ARHGAP19: variants seen among roughly 807,000 people sequenced by gnomAD.
ARHGAP19 encodes the protein rho GTPase-activating protein 19.
In ARHGAP19, 48 loss-of-function variants were observed where a neutral mutation model predicts 60.9. That is an observed-to-expected ratio of 0.79 (90% CI 0.62 to 1.00). The LOEUF (loss-of-function observed/expected upper bound fraction) is 1.00, where lower values mean the gene tolerates loss of function less well. Ranked by LOEUF, ARHGAP19 falls within the 50% of genes least tolerant of loss-of-function variation. The pLI is 0.00. For missense variants in ARHGAP19, 562 were observed against 597.2 expected (o/e 0.94, Z 0.61); for synonymous variants, 209 against 215.5 (o/e 0.97, Z 0.27).
intron 1 of ARHGAP19, among the ~76,000 whole-genome samples, chr10:97,268,608 A>T (rs1364834949): frequency 6.6e-6 from 1 of 152,190 alleles, no homozygotes; most frequent in East Asian, 1.9e-4. Context: ...GAACAAAGGT[A>T]TGTCTTACGT....
rs1482112404 is a variant in ARHGAP19 at position 97,222,335 on chromosome 10, C to A, written c.*3787G>T. ...AACCTTGTTTCTCTTGTTGAGCAAG[C>A]TCAGGGATAGGACAAAGGCAACCCT... On this transcript the variant is annotated 3_prime_UTR_variant, in exon 12 of 12. Coordinates refer to ENST00000358531, the MANE Select transcript of ARHGAP19 (RefSeq NM_032900.6). 1 of 152,248 alleles carries A rather than the reference C, an allele frequency of 6.6e-6. No homozygotes were observed. The highest frequency in any genetic ancestry group is 2.4e-5 in the African/African-American group (1 of 41,462). 9.4% of individuals were successfully genotyped at this position (152,248 alleles called of 1,614,324 possible).
At chr10:97,261,418 G>A (rs529267820) in intron 4 of ARHGAP19, among the ~76,000 whole-genome samples, 4 of 152,296 alleles carry the variant, frequency 2.6e-5, no homozygotes, top group South Asian at 4.1e-4. Context: ...CAATCACAGG[G>A]TAGTGGAAGG....
chr10:97,251,250 G>GAA, intron 6 of ARHGAP19, among the ~76,000 whole-genome samples: 2 of 31,496 alleles, frequency 6.4e-5, no homozygotes, highest in Admixed American at 5.1e-4. Context: ...AAGGGAAGGG[G>GAA]GAGGGAAGGG....
intron 8 of ARHGAP19, among the ~76,000 whole-genome samples, chr10:97,242,324 C>CCTTTTT (rs1842498449): frequency 1.8e-5 from 1 of 55,796 alleles, no homozygotes; most frequent in Non-Finnish European, 3.5e-5. Context: ...TATCAGTGTT[C>CCTTTTT]TTTTTTTTTT....
At position 97,256,005 on chromosome 10, in the gene ARHGAP19, C is replaced by T. The variant is rs1003292851; in HGVS notation, c.927+313G>A. ...ACCCCCAAAATTCTACTGGCAGACC[C>T]CCAAAACTCTACTGGCAGTAAGCAG... On this transcript the variant is annotated intron_variant, in intron 6 of 11. Transcript: ENST00000358531. Among the ~76,000 whole-genome samples, 4 of 152,110 alleles carry T rather than the reference C, an allele frequency of 2.6e-5. No individual in the cohort carries two copies. In the South Asian group the frequency reaches 8.3e-4, roughly 32 times the overall value.
rs929895914 is a variant in ARHGAP19 at position 97,222,953 on chromosome 10, C to T, written c.*3169G>A. The T allele has an allele frequency of 6.6e-6, 1 of 152,196 alleles. No individual in the cohort carries two copies. The highest frequency in any genetic ancestry group is 1.5e-5 in the Non-Finnish European group (1 of 68,050). 9.4% of individuals were successfully genotyped at this position (152,196 alleles called of 1,614,324 possible). A position where few individuals can be genotyped will look rare whatever the true frequency, so the allele number is the denominator to read the frequency against. ...GGCACGTTCCCAGTGACCACAGGTT[C>T]TCCTAGACGGCAGTATTTTCAACTG... On this transcript the variant is annotated 3_prime_UTR_variant, in exon 12 of 12. Transcript: ENST00000358531.
At chr10:97,247,966 C>CTTTTTTT (rs377506718) in intron 6 of ARHGAP19, among the ~76,000 whole-genome samples, 1 of 135,076 alleles carries the variant, frequency 7.4e-6, no homozygotes, top group Non-Finnish European at 1.6e-5. Context: ...GTGGTTTTGA[C>CTTTTTTT]TTTTTTTTTT....
At position 97,222,342 on chromosome 10, in the gene ARHGAP19, A is replaced by T. The variant is rs1201953460; in HGVS notation, c.*3780T>A. On this transcript the variant is annotated 3_prime_UTR_variant, in exon 12 of 12. Transcript: ENST00000358531. Reference sequence around the variant, plus strand: ...TTTCTCTTGTTGAGCAAGCTCAGGGATAGGACAAAGGCAACCCTTGCTCTG... The same window carrying T: ...TTTCTCTTGTTGAGCAAGCTCAGGGTTAGGACAAAGGCAACCCTTGCTCTG... 4 of 152,268 alleles carry T rather than the reference A, an allele frequency of 2.6e-5. No individual in the cohort carries two copies. Among genetic ancestry groups the T allele is most frequent in the Non-Finnish European group, 5.9e-5 (4 of 68,052 alleles). 9.4% of individuals were successfully genotyped at this position (152,268 alleles called of 1,614,324 possible).
In ARHGAP19 at chr10:97,223,739, G is replaced by A. The variant is rs1850847657; in HGVS notation, c.*2383C>T. 1 of 152,200 alleles carries A rather than the reference G, an allele frequency of 6.6e-6. No individual in the cohort carries two copies. Among genetic ancestry groups the A allele is most frequent in the Non-Finnish European group, 1.5e-5 (1 of 68,024 alleles). 9.4% of individuals were successfully genotyped at this position (152,200 alleles called of 1,614,324 possible). ...CCACCAAATCAGAAGGGAGACAGCA[G>A]CCTTCTGTGGCAAATGATAAAAGGG... On this transcript the variant is annotated 3_prime_UTR_variant, in exon 12 of 12. Coordinates refer to ENST00000358531, the MANE Select transcript of ARHGAP19 (RefSeq NM_032900.6).
At chr10:97,256,641 C>T in intron 5 of ARHGAP19, 2 of 354,142 alleles carry the variant, frequency 5.6e-6, no homozygotes, top group East Asian at 9.4e-5. Context: ...CCTAATTCTG[C>T]TTGAAAATTA....
intron 9 of ARHGAP19, among the ~76,000 whole-genome samples, chr10:97,234,787 G>T (rs563262079): frequency 6.6e-6 from 1 of 152,238 alleles, no homozygotes; most frequent in Admixed American, 6.5e-5. Context: ...AAAAATTTGG[G>T]GTATCAAAAC....
At chr10:97,284,583 G>C (rs1843129075) in intron 1 of ARHGAP19, among the ~76,000 whole-genome samples, 1 of 152,072 alleles carries the variant, frequency 6.6e-6, no homozygotes, top group South Asian at 2.1e-4. Context: ...ACGGTTCAGT[G>C]CATCCTTGAC....
At chr10:97,283,032 G>A (rs1253861891) in intron 1 of ARHGAP19, among the ~76,000 whole-genome samples, 12 of 150,668 alleles carry the variant, frequency 8.0e-5, no homozygotes, top group African/African-American at 2.7e-4. Flanking sequence ...TAGTAGAGAC[G>A]GGGTTTCACC....
chr10:97,238,580 A>G (rs1240821566), intron 8 of ARHGAP19, among the ~76,000 whole-genome samples: 1 of 152,204 alleles, frequency 6.6e-6, no homozygotes, highest in Non-Finnish European at 1.5e-5. Flanking sequence ...TTTTTAAAAT[A>G]GAAAAAAGCT....
intron 9 of ARHGAP19, among the ~76,000 whole-genome samples, chr10:97,231,695 T>C (rs553589152): frequency 6.6e-6 from 1 of 152,218 alleles, no homozygotes; most frequent in Non-Finnish European, 1.5e-5. Flanking sequence ...AGGTTTGTCA[T>C]CCATTCATCA....
At chr10:97,267,333 C>T (rs948004973) in intron 1 of ARHGAP19, among the ~76,000 whole-genome samples, 1 of 152,210 alleles carries the variant, frequency 6.6e-6, no homozygotes, top group African/African-American at 2.4e-5. Context: ...TCTTGGGCAG[C>T]TCTGTCCCTG....
intron 1 of ARHGAP19, among the ~76,000 whole-genome samples, chr10:97,274,809 G>A (rs1843003260): frequency 6.6e-6 from 1 of 152,090 alleles, no homozygotes. Flanking sequence ...TAGATATGTA[G>A]GCATACAGAA....
At chr10:97,274,179 C>T (rs1362720362) in intron 1 of ARHGAP19, among the ~76,000 whole-genome samples, 1 of 151,804 alleles carries the variant, frequency 6.6e-6, no homozygotes, top group Non-Finnish European at 1.5e-5. Flanking sequence ...TGAAAGAGTT[C>T]CTGAGGCCGG....
intron 8 of ARHGAP19, among the ~76,000 whole-genome samples, chr10:97,243,172 C>T (rs1253937690): frequency 6.6e-6 from 1 of 152,106 alleles, no homozygotes; most frequent in East Asian, 1.9e-4. Context: ...AAGAACAGCT[C>T]AGTTCACCAT....
Sources: allele counts gnomAD v4.1 joint callset (sites outside exome capture counted in the v4.1 genomes callset), GRCh38; gene constraint gnomAD v4.1.1; transcripts MANE v1.5; gene names NCBI Gene and HGNC (gene_info 2026-07-23, HGNC 2026-07-21).